The following STK31 variants were observed in gnomAD, a reference collection of about 807,000 sequenced individuals.
STK31 encodes serine/threonine kinase 31.
Under a neutral mutation model 129.7 loss-of-function variants are expected in STK31, and 89 were observed. The observed-to-expected ratio is 0.69, with a 90% CI of 0.58 to 0.82. The LOEUF is 0.82. STK31 is among the 40% of genes least tolerant of loss of function. STK31 has a pLI of 0.00. For missense variants in STK31, 1,187 were observed against 1,176.4 expected (o/e 1.01, Z -0.13); for synonymous variants, 448 against 395.3 (o/e 1.13, Z -1.58).
intron 18 of STK31, 101 bp downstream of exon 18, chr7:23,785,704 A>ACTGTGTTAGTTAGAAACTAACT: frequency 7.1e-7 from 1 of 1,413,604 alleles, no homozygotes; most frequent in African/African-American, 1.4e-5. Flanking sequence ...TAGTTTTCTA[A>ACTGTGTTAGTTAGAAACTAACT]AGTGTATAAG....
intron 23 of STK31, among the ~76,000 whole-genome samples, chr7:23,826,469 C>G (rs1000346141): frequency 6.6e-6 from 1 of 152,058 alleles, no homozygotes; most frequent in Non-Finnish European, 1.5e-5. Context: ...TCCTCCATCC[C>G]TTTATTTTGA....
chr7:23,785,648 A>T (rs752087512), intron 18 of STK31, 45 bp downstream of exon 18: 1 of 1,575,794 alleles, frequency 6.3e-7, no homozygotes, highest in South Asian at 1.1e-5. Context: ...AGCAGCATAA[A>T]GGATAGTGGT....
At chr7:23,729,682 G>T (rs1288905356) in intron 6 of STK31, among the ~76,000 whole-genome samples, 1 of 151,882 alleles carries the variant, frequency 6.6e-6, no homozygotes, top group Non-Finnish European at 1.5e-5. Context: ...GCTAATTTTT[G>T]TATTTTTGGT....
At position 23,738,246 on chromosome 7, in the gene STK31, A is replaced by G. The variant is rs141255372; in HGVS notation, c.1017+1168A>G. 2.6e-3 allele frequency among the ~76,000 whole-genome samples: 389 copies of G among 152,274 alleles called. 1 individual carries two copies. Among genetic ancestry groups the G allele is most frequent in the Non-Finnish European group, 4.2e-3 (287 of 68,018 alleles). On this transcript the variant is annotated intron_variant, in intron 8 of 23. Transcript: ENST00000355870. Reference sequence around the variant, plus strand: ...TCAGAAACAGCCAAATAAATGGAAGATATATATAAGGCAAGGTACTGGGGC... The same window carrying G: ...TCAGAAACAGCCAAATAAATGGAAGGTATATATAAGGCAAGGTACTGGGGC...
At chr7:23,810,754 T>TA (rs1562623469) in intron 22 of STK31, among the ~76,000 whole-genome samples, 1 of 130,928 alleles carries the variant, frequency 7.6e-6, no homozygotes, top group Non-Finnish European at 1.6e-5. Flanking sequence ...TAGATATATA[T>TA]AATATATAAT....
chr7:23,775,931 G>C (rs972714123), intron 15 of STK31, among the ~76,000 whole-genome samples: 1 of 152,124 alleles, frequency 6.6e-6, no homozygotes, highest in Non-Finnish European at 1.5e-5. Flanking sequence ...GATGCTTCCA[G>C]ATTTTCCCAT....
chr7:23,819,006 C>G (rs570020787), intron 23 of STK31, among the ~76,000 whole-genome samples: 2 of 152,108 alleles, frequency 1.3e-5, no homozygotes, highest in Admixed American at 6.6e-5. Flanking sequence ...CTTGTTTGGT[C>G]TCAAGGAAAA....
rs904847547 is a variant in STK31, at chr7:23,736,681, AT to A, written c.843-214del. 5.9e-5 allele frequency among the ~76,000 whole-genome samples: 9 copies of A among 151,346 alleles called. No individual in the cohort carries two copies. The East Asian group carries it at 7.7e-4, about 13-fold the overall frequency. ...GATAGTGCTATGAAGAAGTTGGAAT[AT>A]TTTTTTTTGAGAATTAGAGGCATTA... On this transcript the variant is annotated intron_variant, in intron 7 of 23. Transcript: ENST00000355870.
intron 15 of STK31, among the ~76,000 whole-genome samples, chr7:23,775,317 T>C (rs1219241724): frequency 2.0e-5 from 3 of 152,194 alleles, no homozygotes; most frequent in Admixed American, 2.0e-4. Flanking sequence ...CTGGGCTCTT[T>C]TTTAGTTCCA....
intron 15 of STK31, among the ~76,000 whole-genome samples, chr7:23,778,427 G>T (rs1458833883): frequency 6.6e-6 from 1 of 152,144 alleles, no homozygotes; most frequent in Non-Finnish European, 1.5e-5. Context: ...ATGCTTAAGT[G>T]TGTTTTCCAA....
intron 23 of STK31, among the ~76,000 whole-genome samples, chr7:23,824,686 G>C (rs922656860): frequency 6.6e-6 from 1 of 152,168 alleles, no homozygotes; most frequent in African/African-American, 2.4e-5. Flanking sequence ...AGTTTTCAAA[G>C]GGAATGCTTC....
chr7:23,713,285 ATAT>A (rs943830394), intron 3 of STK31, among the ~76,000 whole-genome samples: 3 of 152,180 alleles, frequency 2.0e-5, no homozygotes, highest in African/African-American at 7.2e-5. Context: ...CAGTAAAAAC[ATAT>A]TATAAAAGAT....
At chr7:23,777,344 T>G (rs958611105) in intron 15 of STK31, among the ~76,000 whole-genome samples, 1 of 152,204 alleles carries the variant, frequency 6.6e-6, no homozygotes, top group African/African-American at 2.4e-5. Context: ...TAGGTCCACT[T>G]GGTCCAGAGT....
intron 8 of STK31, among the ~76,000 whole-genome samples, chr7:23,745,003 G>A (rs1358894762): frequency 1.3e-5 from 2 of 152,164 alleles, no homozygotes; most frequent in Non-Finnish European, 2.9e-5. Context: ...TTAGGCAGTG[G>A]GCACGATGTG....
At chr7:23,824,481 G>C (rs945403494) in intron 23 of STK31, among the ~76,000 whole-genome samples, 8 of 152,164 alleles carry the variant, frequency 5.3e-5, no homozygotes, top group East Asian at 1.9e-4. Flanking sequence ...TTGCTTATCA[G>C]CTTAAGGAGA....
At chr7:23,811,515 C>A in intron 22 of STK31, 1 of 278,480 alleles carries the variant, frequency 3.6e-6, no homozygotes, top group South Asian at 4.9e-5. Context: ...GCATTTCCAC[C>A]AATGAGCAAG....
chr7:23,771,149 A>G, intron 14 of STK31, 25 bp downstream of exon 14: 1 of 1,513,934 alleles, frequency 6.6e-7, no homozygotes, highest in East Asian at 2.5e-5. Context: ...TCTCTTATTG[A>G]TCTTATAAAT....
At chr7:23,754,498 T>A (rs1316277471) in intron 10 of STK31, 24 bp downstream of exon 10, 2 of 1,598,188 alleles carry the variant, frequency 1.3e-6, no homozygotes, top group African/African-American at 2.7e-5. Context: ...TTTTCTCTAT[T>A]GTGGTTTTTA....
chr7:23,755,342 G>T (rs1789002039), intron 10 of STK31: 2 of 152,026 alleles, frequency 1.3e-5, no homozygotes, highest in Admixed American at 6.6e-5. Context: ...TTTTGATGGG[G>T]TTGTCTTTTT....
Sources: allele counts gnomAD v4.1 joint callset (sites outside exome capture counted in the v4.1 genomes callset), GRCh38; gene constraint gnomAD v4.1.1; transcripts MANE v1.5; gene names NCBI Gene and HGNC (gene_info 2026-07-23, HGNC 2026-07-21).